Variants in UBE3C observed in about 807,000 individuals in gnomAD.
UBE3C encodes the protein ubiquitin protein ligase E3C.
Under a neutral mutation model 129.4 loss-of-function variants are expected in UBE3C, and 42 were observed. That is an observed-to-expected ratio of 0.32 (90% CI 0.25 to 0.42). The LOEUF (loss-of-function observed/expected upper bound fraction) is 0.42, where lower values mean the gene tolerates loss of function less well. UBE3C is among the 10% of genes least tolerant of loss of function. The probability of loss-of-function intolerance (pLI) is 1.00; values close to 1 mark genes in which losing one functional copy is unlikely to be tolerated. For missense variants in UBE3C, 1,049 were observed against 1,319.1 expected (o/e 0.80, Z 3.17); for synonymous variants, 510 against 492.4 (o/e 1.04, Z -0.47).
chr7:157,181,620 A>G lies in UBE3C; in HGVS notation c.719A>G (p.Asn240Ser). Residue 240 changes from asparagine (N) to serine (S), a missense_variant, in exon 7 of 23, where the codon AAT (asparagine) becomes AGT (serine). Asn to Ser is a conservative substitution (Grantham distance 46, BLOSUM62 1). Transcript: ENST00000348165. ...CCTATAGCAAAAATTTTGCTAGAGA[A>G]TGTTCTAAAACCATTGCACTTTACT... The part of the protein sequence containing the change: ...RVPIAKILLE[N>S]VLKPLHFTYN... 1 of 1,613,842 alleles carries G rather than the reference A, an allele frequency of 6.2e-7. No homozygotes were observed. The highest frequency in any genetic ancestry group is 8.5e-7 in the Non-Finnish European group (1 of 1,179,944).
intron 1 of UBE3C, among the ~76,000 whole-genome samples, chr7:157,156,148 C>T (rs562680010): frequency 3.1e-4 from 47 of 152,112 alleles, no homozygotes; most frequent in African/African-American, 9.9e-4. Flanking sequence ...TTATATTGAG[C>T]TGTTTTTAGA....
chr7:157,252,896 T>C (rs543539790), intron 19 of UBE3C, among the ~76,000 whole-genome samples: 8 of 152,316 alleles, frequency 5.3e-5, no homozygotes, highest in Middle Eastern at 6.8e-3. Context: ...GTTGGGGTGT[T>C]TTTGTTGTTT....
intron 2 of UBE3C, 35 bp downstream of exon 2, chr7:157,163,898 AT>A: frequency 6.3e-7 from 1 of 1,595,048 alleles, no homozygotes; most frequent in Non-Finnish European, 8.6e-7. Context: ...GTAGATAAGC[AT>A]TTTTTCTACA....
chr7:157,214,575 G>C (rs1235969867), intron 13 of UBE3C, among the ~76,000 whole-genome samples: 1 of 152,104 alleles, frequency 6.6e-6, no homozygotes, highest in South Asian at 2.1e-4. Flanking sequence ...ATTTCAGCAT[G>C]GTAACTATTA....
intron 11 of UBE3C, among the ~76,000 whole-genome samples, chr7:157,205,719 T>C (rs1047560041): frequency 1.4e-4 from 21 of 152,242 alleles, no homozygotes; most frequent in Non-Finnish European, 4.4e-5. Context: ...TTCAGCATAG[T>C]GCTAAATGCA....
intron 21 of UBE3C, among the ~76,000 whole-genome samples, chr7:157,256,092 C>T (rs1044050485): frequency 3.3e-5 from 5 of 152,076 alleles, no homozygotes; most frequent in African/African-American, 1.2e-4. Context: ...GTTCTTGGTG[C>T]CTGCATTCAT....
intron 2 of UBE3C, among the ~76,000 whole-genome samples, chr7:157,168,761 A>G (rs1281755548): frequency 6.6e-6 from 1 of 152,218 alleles, no homozygotes; most frequent in Non-Finnish European, 1.5e-5. Context: ...ATAGAAGTAG[A>G]TGAGTGATTG....
intron 10 of UBE3C, among the ~76,000 whole-genome samples, chr7:157,198,863 T>C (rs991532436): frequency 2.6e-5 from 4 of 152,250 alleles, no homozygotes; most frequent in African/African-American, 9.6e-5. Flanking sequence ...TAGTTTGTTT[T>C]ATTATTGCTT....
intron 6 of UBE3C, 58 bp from the exon 7 acceptor site, chr7:157,181,459 GT>G: frequency 6.7e-7 from 1 of 1,493,092 alleles, no homozygotes; most frequent in Non-Finnish European, 8.9e-7. Context: ...AAATTGGCAA[GT>G]TTTTTCCCTT....
chr7:157,238,617 A>C (rs1422821366), intron 18 of UBE3C, among the ~76,000 whole-genome samples: 1 of 152,010 alleles, frequency 6.6e-6, no homozygotes, highest in African/African-American at 2.4e-5. Context: ...AGGCATTCTT[A>C]TGGAGGCTTA....
Position 157,268,024 on chromosome 7 carries a change from T to G in UBE3C, c.*269T>G. ...AGTAATATTGCCAAGAAGAGCACAGTTTTTACACTAGTGGCATCTCAGTGA... is the reference window on the plus strand; with the variant it reads ...AGTAATATTGCCAAGAAGAGCACAGGTTTTACACTAGTGGCATCTCAGTGA... On this transcript the variant is annotated 3_prime_UTR_variant, in exon 23 of 23. Transcript: ENST00000348165. 1 of 289,076 alleles carries G rather than the reference T, an allele frequency of 3.5e-6. No homozygotes were observed. The highest frequency in any genetic ancestry group is 9.8e-4 in the Middle Eastern group (1 of 1,018). The allele number at this position is 289,076 out of a possible 1,614,324, so 17.9% of individuals were successfully genotyped here. A position where few individuals can be genotyped will look rare whatever the true frequency, so the allele number is the denominator to read the frequency against.
chr7:157,203,778 CAG>C (rs1427557876), intron 11 of UBE3C, among the ~76,000 whole-genome samples: 1 of 152,194 alleles, frequency 6.6e-6, no homozygotes, highest in East Asian at 1.9e-4. Context: ...AAGAAACTGA[CAG>C]TGTATTAATG....
intron 13 of UBE3C, among the ~76,000 whole-genome samples, chr7:157,214,319 G>A (rs1187025176): frequency 6.6e-6 from 1 of 152,136 alleles, no homozygotes; most frequent in African/African-American, 2.4e-5. Flanking sequence ...GATAATGTTT[G>A]TAATCTGTAG....
intron 1 of UBE3C, among the ~76,000 whole-genome samples, chr7:157,155,840 A>G (rs948084059): frequency 1.3e-5 from 2 of 152,214 alleles, no homozygotes; most frequent in African/African-American, 4.8e-5. Flanking sequence ...TGGATTTCAC[A>G]TTGGTGGGTA....
At chr7:157,241,187 G>A (rs530878296) in intron 18 of UBE3C, among the ~76,000 whole-genome samples, 2 of 152,194 alleles carry the variant, frequency 1.3e-5, no homozygotes, top group Non-Finnish European at 2.9e-5. Context: ...TGCAGGGCAT[G>A]TGGGAAAATG....
In UBE3C at chr7:157,181,659, C is replaced by T. The variant is rs762344285; in HGVS notation, c.758C>T (p.Pro253Leu). Residue 253 changes from proline (P) to leucine (L), a missense_variant, in exon 7 of 23, where the codon CCG becomes CTG. Physicochemically the swap from Pro to Leu is moderately conservative, Grantham distance 98. Around this residue, in one of 4 missense-constraint regions of UBE3C, gnomAD observed 489 missense variants for 513.8 expected, o/e 0.95. Coordinates refer to ENST00000348165, the MANE Select transcript of UBE3C (RefSeq NM_014671.3). ...KPLHFTYNSC[P>L]EGARQQVFTA... ...TTGCACTTTACTTACAACTCCTGTC[C>T]GGAAGGTGCGAGGTGAGACTGGAAT... 16 of 1,613,428 alleles carry T rather than the reference C, an allele frequency of 9.9e-6. No individual in the cohort carries two copies. Among genetic ancestry groups the T allele is most frequent in the Middle Eastern group, 1.7e-4 (1 of 6,054 alleles).
chr7:157,201,912 T>G (rs1809296714), intron 11 of UBE3C, 105 bp downstream of exon 11: 1 of 860,968 alleles, frequency 1.2e-6, no homozygotes, highest in Admixed American at 2.6e-5. Flanking sequence ...TATACTGGGC[T>G]TATTTCATAT....
At chr7:157,251,870 C>G (rs1255619532) in intron 19 of UBE3C, among the ~76,000 whole-genome samples, 1 of 152,116 alleles carries the variant, frequency 6.6e-6, no homozygotes. Context: ...CGCAGTGGCT[C>G]ACGGCTGTAA....
intron 21 of UBE3C, among the ~76,000 whole-genome samples, chr7:157,255,543 A>G (rs1230698921): frequency 1.3e-5 from 2 of 152,228 alleles, no homozygotes; most frequent in Non-Finnish European, 1.5e-5. Context: ...AAGTTTAAGG[A>G]AATGAAATCA....
Sources: allele counts gnomAD v4.1 joint callset (sites outside exome capture counted in the v4.1 genomes callset), GRCh38; gene constraint gnomAD v4.1.1; regional missense constraint gnomAD v4.1.1; transcripts MANE v1.5; gene names NCBI Gene and HGNC (gene_info 2026-07-23, HGNC 2026-07-21).